Variants in ZNF385C observed in about 807,000 individuals in gnomAD.
The protein encoded by ZNF385C is CTD-2132N18.2.
ZNF385C carries 28 observed loss-of-function variants against 35.4 expected under a neutral mutation model. The observed-to-expected ratio is 0.79, with a 90% CI of 0.59 to 1.08. The LOEUF is 1.08. Ranked by LOEUF, ZNF385C falls within the 50% of genes least tolerant of loss-of-function variation. The pLI, the probability that ZNF385C is intolerant of heterozygous loss-of-function variation, is 0.00. For missense variants in ZNF385C, 605 were observed against 595.6 expected (o/e 1.02, Z -0.16); for synonymous variants, 248 against 248.2 (o/e 1.00, Z 0.01).
In ZNF385C at chr17:42,095,396, G is replaced by A. The variant is rs1236168618; in HGVS notation, c.-3+3014C>T. ...GGAGAACCCACATGATAGACACATG[G>A]GCCCTCCCGGGTGGCAGGCGCAGCT... On this transcript the variant is annotated intron_variant, in intron 1 of 8. Coordinates refer to ENST00000692273, the MANE Select transcript of ZNF385C (RefSeq NM_001392013.1). The surrounding 1 kb of genome is among the most constrained non-coding windows in gnomAD (Gnocchi z 4.4). 6.6e-6 allele frequency among the ~76,000 whole-genome samples: 1 copy of A among 152,116 alleles called. No homozygotes were observed. The highest frequency in any genetic ancestry group is 1.5e-5 in the Non-Finnish European group (1 of 68,028).
In ZNF385C at chr17:42,057,513, C is replaced by CGT. The variant is rs57813267; in HGVS notation, c.250+5292_250+5293dup. ...TTAGGGGTGTGCGCGCGCGCGCGCG[C>CGT]GTGTGTGTGTGTGTGTGTGTGTGTG... On this transcript the variant is annotated intron_variant, in intron 2 of 8. Coordinates refer to ENST00000692273, the MANE Select transcript of ZNF385C (RefSeq NM_001392013.1). 2.9e-3 allele frequency among the ~76,000 whole-genome samples: 431 copies of CGT among 146,932 alleles called. 3 individuals carry two copies. Among genetic ancestry groups the CGT allele is most frequent in the African/African-American group, 7.5e-3 (282 of 37,840 alleles).
intron 1 of ZNF385C, among the ~76,000 whole-genome samples, chr17:42,066,984 G>A (rs947761815): frequency 2.0e-5 from 3 of 152,102 alleles, no homozygotes; most frequent in Admixed American, 1.3e-4. Context: ...CAAGAGAATT[G>A]CTTGAACCTG....
chr17:42,088,896 G>C (rs1027182158), intron 1 of ZNF385C, among the ~76,000 whole-genome samples: 7 of 152,014 alleles, frequency 4.6e-5, no homozygotes, highest in African/African-American at 1.7e-4. Flanking sequence ...TGCGATCACA[G>C]CTCACTGCAC....
At chr17:42,052,563 C>T (rs2053303142) in intron 2 of ZNF385C, among the ~76,000 whole-genome samples, 1 of 152,154 alleles carries the variant, frequency 6.6e-6, no homozygotes, top group Non-Finnish European at 1.5e-5. Flanking sequence ...ACTGGCCACA[C>T]AAGAGCATGC....
chr17:42,096,131 A>G (rs1567999104), intron 1 of ZNF385C, among the ~76,000 whole-genome samples: 1 of 152,078 alleles, frequency 6.6e-6, no homozygotes, highest in Non-Finnish European at 1.5e-5. Context: ...TCTGCACCAC[A>G]AGGGACTCTT....
At chr17:42,083,034 G>A (rs1281017445) in intron 1 of ZNF385C, among the ~76,000 whole-genome samples, 7 of 151,958 alleles carry the variant, frequency 4.6e-5, no homozygotes, top group East Asian at 2.0e-4. Flanking sequence ...CCAAGATTGC[G>A]TCACTGCACT....
intron 2 of ZNF385C, among the ~76,000 whole-genome samples, chr17:42,058,933 A>G (rs1402342092): frequency 1.3e-5 from 2 of 152,232 alleles, no homozygotes; most frequent in Non-Finnish European, 2.9e-5. Flanking sequence ...TTGGGATGAC[A>G]GGCATGAGCC....
intron 1 of ZNF385C, among the ~76,000 whole-genome samples, chr17:42,063,656 TATCTC>T (rs1213440251): frequency 4.5e-4 from 69 of 152,144 alleles, no homozygotes; most frequent in Middle Eastern, 3.4e-3. Flanking sequence ...CCGCAGAACA[TATCTC>T]AGAGAGGCGG....
At position 42,056,032 on chromosome 17, in the gene ZNF385C, C is replaced by T. The variant is rs570321380; in HGVS notation, c.250+6775G>A. Among the ~76,000 whole-genome samples, 34 of 152,344 alleles carry T rather than the reference C, an allele frequency of 2.2e-4. No homozygotes were observed. In the East Asian group the frequency reaches 2.3e-3, roughly 10 times the overall value. ...ACTCGATCTCTGCTAACCTGTCCCC[C>T]GTACTGTCTACCTTGCACTCCCTGA... On this transcript the variant is annotated intron_variant, in intron 2 of 8. Coordinates refer to ENST00000692273, the MANE Select transcript of ZNF385C (RefSeq NM_001392013.1).
rs376622524 is a variant in ZNF385C, at chr17:42,030,317, G to A, written c.677-1244C>T. Among the ~76,000 whole-genome samples, 322 of 152,096 alleles carry A rather than the reference G, an allele frequency of 2.1e-3. 3 individuals carry two copies. Among genetic ancestry groups the A allele is most frequent in the African/African-American group, 7.4e-3 (306 of 41,508 alleles). The stretch of plus-strand genomic sequence containing the variant: ...AGCCTGGCCAATATGGTGAAACCCC[G>A]TTTCTACTAAAAATACAAAAATTAG... On this transcript the variant is annotated intron_variant, in intron 5 of 8. Transcript: ENST00000692273.
chr17:42,077,369 G>A (rs1555659347), intron 1 of ZNF385C, among the ~76,000 whole-genome samples: 1 of 152,104 alleles, frequency 6.6e-6, no homozygotes, highest in African/African-American at 2.4e-5. Context: ...TATTAATTAG[G>A]TGTTGCTGGT....
intron 1 of ZNF385C, among the ~76,000 whole-genome samples, chr17:42,096,378 C>T (rs1424658871): frequency 2.0e-5 from 3 of 152,178 alleles, no homozygotes; most frequent in African/African-American, 7.2e-5. Context: ...CAGTCTCATC[C>T]CCTCGGCCCT....
chr17:42,066,381 G>T (rs2053546779), intron 1 of ZNF385C, among the ~76,000 whole-genome samples: 1 of 152,122 alleles, frequency 6.6e-6, no homozygotes, highest in Non-Finnish European at 1.5e-5. Context: ...TTAACACATA[G>T]TGTGTCTGTC....
chr17:42,030,015 C>T (rs1555654833), intron 5 of ZNF385C, among the ~76,000 whole-genome samples: 1 of 150,110 alleles, frequency 6.7e-6, no homozygotes, highest in Non-Finnish European at 1.5e-5. Context: ...GTGACAGAGC[C>T]AGACCCTGTC....
At chr17:42,090,712 C>G (rs1555660469) in intron 1 of ZNF385C, among the ~76,000 whole-genome samples, 1 of 151,908 alleles carries the variant, frequency 6.6e-6, no homozygotes, top group Non-Finnish European at 1.5e-5. Flanking sequence ...GAAACCCCAT[C>G]TCTACTAAAA....
chr17:42,064,339 C>T (rs1287699856), intron 1 of ZNF385C, among the ~76,000 whole-genome samples: 1 of 152,220 alleles, frequency 6.6e-6, no homozygotes, highest in Non-Finnish European at 1.5e-5. Flanking sequence ...AGAGCAAGAT[C>T]TGTGTCCCTC....
chr17:42,079,198 AAAAAAATATATATATATATAC>A (rs1367095917), intron 1 of ZNF385C, among the ~76,000 whole-genome samples: 4 of 120,090 alleles, frequency 3.3e-5, no homozygotes, highest in African/African-American at 1.2e-4. Flanking sequence ...AAAAAAAAAA[AAAAAAATATATATATATATAC>A]ATATATATAT....
chr17:42,055,727 T>A (rs1598194215), intron 2 of ZNF385C, among the ~76,000 whole-genome samples: 2 of 150,864 alleles, frequency 1.3e-5, no homozygotes, highest in Admixed American at 6.6e-5. Context: ...CTGCAGGGAG[T>A]GGGGGTGAGA....
chr17:42,070,162 A>G (rs903146461), intron 1 of ZNF385C, among the ~76,000 whole-genome samples: 20 of 151,616 alleles, frequency 1.3e-4, no homozygotes, highest in Admixed American at 1.2e-3. Context: ...GGCTAACACG[A>G]TGAAACCCCA....
Sources: gnomAD v4.1 joint callset for allele counts (sites outside exome capture counted in the v4.1 genomes callset) on GRCh38, gnomAD v4.1.1 for gene constraint, Gnocchi (gnomAD v3.1) non-coding constraint, MANE v1.5 for transcripts, NCBI Gene and HGNC (gene_info 2026-07-23, HGNC 2026-07-21) for gene names.